The following GTF2IRD2B variants were observed in gnomAD, a reference collection of about 807,000 sequenced individuals.
GTF2IRD2B encodes the protein GTF2I repeat domain containing 2B.
A neutral mutation model predicts 55.6 loss-of-function variants in GTF2IRD2B; 10 were observed. That is an observed-to-expected ratio of 0.18 (90% CI 0.11 to 0.31). The LOEUF is 0.31. GTF2IRD2B is among the 10% of genes least tolerant of loss of function. The pLI is 1.00. For missense variants in GTF2IRD2B, 206 were observed against 802.7 expected, an observed-to-expected ratio of 0.26 and a Z score of 8.98; for synonymous variants, 107 against 320.5, an observed-to-expected ratio of 0.33 and a Z score of 7.12.
chr7:75,148,259 A>C lies in GTF2IRD2B; in HGVS notation c.1812A>C (p.Lys604Asn), dbSNP rs1809215866. 6.2e-7 allele frequency: 1 copy of C among 1,613,686 alleles called. No individual in the cohort carries two copies. Among genetic ancestry groups the C allele is most frequent in the South Asian group, 1.1e-5 (1 of 91,062 alleles). The change falls in exon 16 of 16, where the codon AAA becomes AAC. Residue 604 changes from lysine (K) to asparagine (N), a missense_variant. Lys to Asn is a moderately conservative substitution (Grantham distance 94). Coordinates refer to ENST00000472837, the MANE Select transcript of GTF2IRD2B (RefSeq NM_001003795.3). ...EIFLRVEKSL[K>N]KFCINWSRLV... ...TTTTGCGTGTTGAGAAGAGCCTGAAAAAGTTCTGTATCAACTGGTCGAGAT... is the reference window on the plus strand; with the variant it reads ...TTTTGCGTGTTGAGAAGAGCCTGAACAAGTTCTGTATCAACTGGTCGAGAT...
Position 75,115,921 on chromosome 7 carries a change from T to TC in GTF2IRD2B, c.238+3386_238+3387insC, listed in dbSNP as rs1199523587. On this transcript the variant is annotated intron_variant, in intron 3 of 15. Coordinates refer to ENST00000472837, the MANE Select transcript of GTF2IRD2B (RefSeq NM_001003795.3). ...TCTTCTTTAATTTCTTTTCTTTCTT[T>TC]TTTTTTTTTTTTTTGAGAGACAGAG... is the stretch of plus-strand genomic sequence containing the variant. Among the ~76,000 whole-genome samples, 29 of 141,286 alleles carry TC rather than the reference T, an allele frequency of 2.1e-4. No individual in the cohort carries two copies. In the East Asian group the frequency reaches 4.2e-3, roughly 20 times the overall value. 92.7% of individuals were successfully genotyped at this position (141,286 alleles called of 152,430 possible).
intron 6 of GTF2IRD2B, among the ~76,000 whole-genome samples, chr7:75,124,327 C>T (rs1808484833): frequency 6.6e-6 from 1 of 152,298 alleles, no homozygotes; most frequent in Admixed American, 6.5e-5. Context: ...AAGATTGTGC[C>T]ACCGCACTCC....
intron 3 of GTF2IRD2B, among the ~76,000 whole-genome samples, chr7:75,117,909 C>T (rs1485021214): frequency 6.6e-6 from 1 of 152,178 alleles, no homozygotes; most frequent in Non-Finnish European, 1.5e-5. Flanking sequence ...ATGGCGAAAC[C>T]CCATCTGTAC....
intron 1 of GTF2IRD2B, among the ~76,000 whole-genome samples, chr7:75,101,893 C>CAAAAAA (rs1243907524): frequency 3.8e-5 from 3 of 78,326 alleles, no homozygotes; most frequent in African/African-American, 1.0e-4. Flanking sequence ...GACCCCATCT[C>CAAAAAA]AAAAAAAAAA....
intron 12 of GTF2IRD2B, among the ~76,000 whole-genome samples, chr7:75,140,549 TTG>T (rs1447174233): frequency 3.0e-4 from 12 of 40,178 alleles, no homozygotes; most frequent in African/African-American, 1.1e-3. Flanking sequence ...TTTTTTTTTT[TTG>T]AGACGGAGTC....
intron 3 of GTF2IRD2B, 66 bp downstream of exon 3, chr7:75,112,601 G>GT: frequency 2.5e-6 from 2 of 810,672 alleles, no homozygotes; most frequent in South Asian, 3.0e-5. Flanking sequence ...GACTTCCACA[G>GT]TATTTTCTTC....
chr7:75,120,183 CAAA>C (rs587740512), intron 3 of GTF2IRD2B, among the ~76,000 whole-genome samples: 1 of 65,350 alleles, frequency 1.5e-5, no homozygotes, highest in Admixed American at 1.6e-4. Flanking sequence ...TACATTGATA[CAAA>C]AAAAAAAAAC....
At chr7:75,093,348 G>A (rs868941681) in intron 1 of GTF2IRD2B, among the ~76,000 whole-genome samples, 26 of 151,854 alleles carry the variant, frequency 1.7e-4, no homozygotes, top group African/African-American at 6.3e-4. Context: ...CGAGTTCTAG[G>A]GGGAAAAAGG....
chr7:75,093,516 C>G (rs1472633501), intron 1 of GTF2IRD2B, among the ~76,000 whole-genome samples: 1 of 152,250 alleles, frequency 6.6e-6, no homozygotes, highest in African/African-American at 2.4e-5. Context: ...GCTTTCAGCA[C>G]CCGAGGAGAA....
At chr7:75,106,437 A>AT (rs1807811064) in intron 1 of GTF2IRD2B, among the ~76,000 whole-genome samples, 1 of 150,858 alleles carries the variant, frequency 6.6e-6, no homozygotes, top group Non-Finnish European at 1.5e-5. Context: ...ATGCACACTC[A>AT]TGTTGATCTG....
At position 75,149,362 on chromosome 7, in the gene GTF2IRD2B, T is replaced by C. The variant is rs1554532399; in HGVS notation, c.*65T>C. 2.6e-6 allele frequency: 2 copies of C among 771,480 alleles called. No individual in the cohort carries two copies. Among genetic ancestry groups the C allele is most frequent in the African/African-American group, 3.4e-5 (2 of 57,978 alleles). 47.8% of individuals were successfully genotyped at this position (771,480 alleles called of 1,614,324 possible). ...GCTGGAGTCTTCTAGTCCCAAGGGATTGGGAGATGACAAAATGAATTTTTT... is the reference window on the plus strand; with the variant it reads ...GCTGGAGTCTTCTAGTCCCAAGGGACTGGGAGATGACAAAATGAATTTTTT... On this transcript the variant is annotated 3_prime_UTR_variant, in exon 16 of 16. Transcript: ENST00000472837.
At chr7:75,132,510 C>T (rs1554535068) in intron 8 of GTF2IRD2B, among the ~76,000 whole-genome samples, 2 of 147,314 alleles carry the variant, frequency 1.4e-5, no homozygotes, top group Non-Finnish European at 3.0e-5. Context: ...AGCTCTCCCG[C>T]CTTCACGATG....
At chr7:75,104,173 A>T (rs1292374607) in intron 1 of GTF2IRD2B, among the ~76,000 whole-genome samples, 1 of 133,712 alleles carries the variant, frequency 7.5e-6, no homozygotes, top group Non-Finnish European at 1.6e-5. Flanking sequence ...CCCCACCTGG[A>T]GGGCAGTGGC....
intron 8 of GTF2IRD2B, among the ~76,000 whole-genome samples, chr7:75,132,557 T>C (rs1563098212): frequency 2.5e-5 from 3 of 121,900 alleles, no homozygotes; most frequent in African/African-American, 3.6e-5. Context: ...TCTTTTTTTT[T>C]TTTTTTTTTT....
Position 75,123,271 on chromosome 7 carries a change from T to C in GTF2IRD2B, c.494T>C (p.Leu165Pro), listed in dbSNP as rs1808442937. The C allele has an allele frequency of 1.5e-6, 2 of 1,303,036 alleles. No homozygotes were observed. Among genetic ancestry groups the C allele is most frequent in the East Asian group, 4.7e-5 (2 of 42,548 alleles). The allele number at this position is 1,303,036 out of a possible 1,614,324, so 80.7% of individuals were successfully genotyped here. A position where few individuals can be genotyped will look rare whatever the true frequency, so the allele number is the denominator to read the frequency against. ...CCTGAGAATTACGACCTTGCAACCC[T>C]GAAATGGATTTTGGAGAACAAAGCA... ...QHPENYDLATLKWILENKAGI... is the reference protein window; with the variant it reads ...QHPENYDLATPKWILENKAGI... The change falls in exon 5 of 16, where the codon CTG (leucine) becomes CCG (proline). Residue 165 changes from leucine to proline, a missense_variant. Transcript: ENST00000472837.
intron 1 of GTF2IRD2B, among the ~76,000 whole-genome samples, chr7:75,096,853 C>CT (rs1807395454): frequency 7.1e-6 from 1 of 140,764 alleles, no homozygotes; most frequent in Admixed American, 6.9e-5. Flanking sequence ...AAACCAAGCC[C>CT]TGCGGCTCAG....
intron 8 of GTF2IRD2B, among the ~76,000 whole-genome samples, chr7:75,126,886 A>G (rs1554452508): frequency 6.6e-6 from 1 of 150,546 alleles, no homozygotes; most frequent in Non-Finnish European, 1.5e-5. Flanking sequence ...AGTCCCAGCT[A>G]CTTGGGAGGC....
intron 10 of GTF2IRD2B, among the ~76,000 whole-genome samples, chr7:75,135,360 C>T (rs1584546081): frequency 6.6e-6 from 1 of 151,962 alleles, no homozygotes; most frequent in South Asian, 2.1e-4. Flanking sequence ...TCTCGAACTC[C>T]TGACCTCAAG....
Position 75,149,614 on chromosome 7 carries a change from G to T in GTF2IRD2B, c.*317G>T. On this transcript the variant is annotated 3_prime_UTR_variant, in exon 16 of 16. Transcript: ENST00000472837. ...GCTGGTCTCCAACTCCTGACCTCAG[G>T]TGATCCACCTGCCTCGACCTCACAA... The T allele has an allele frequency of 2.8e-6, 1 of 353,960 alleles. No homozygotes were observed. Among genetic ancestry groups the T allele is most frequent in the East Asian group, 7.1e-5 (1 of 14,160 alleles). 21.9% of individuals were successfully genotyped at this position (353,960 alleles called of 1,614,324 possible). A position where few individuals can be genotyped will look rare whatever the true frequency, so the allele number is the denominator to read the frequency against.
Sources: gnomAD v4.1 joint callset for allele counts (sites outside exome capture counted in the v4.1 genomes callset) on GRCh38, gnomAD v4.1.1 for gene constraint, MANE v1.5 for transcripts, NCBI Gene and HGNC (gene_info 2026-07-23, HGNC 2026-07-21) for gene names.